The following ADAM22 variants were observed in gnomAD, a reference collection of about 807,000 sequenced individuals.
ADAM22 encodes ADAM metallopeptidase domain 22.
In ADAM22, 65 loss-of-function variants were observed where a neutral mutation model predicts 144.6. The ratio of observed to expected loss-of-function variants is 0.45; its 90% CI spans 0.37 to 0.55. The LOEUF is 0.55. ADAM22 is among the 20% of genes least tolerant of loss of function. The pLI, the probability that ADAM22 is intolerant of heterozygous loss-of-function variation, is 0.00. For missense variants in ADAM22, 974 were observed against 1,184.9 expected, an observed-to-expected ratio of 0.82 and a Z score of 2.61; for synonymous variants, 391 against 412.6, an observed-to-expected ratio of 0.95 and a Z score of 0.63.
At chr7:88,146,555 C>T (rs1836503656) in intron 17 of ADAM22, among the ~76,000 whole-genome samples, 1 of 152,212 alleles carries the variant, frequency 6.6e-6, no homozygotes. Flanking sequence ...GCCAGCAGCA[C>T]CCCTCCTAGA....
At chr7:88,182,062 G>T in intron 29 of ADAM22, 38 bp downstream of exon 29, 1 of 1,559,878 alleles carries the variant, frequency 6.4e-7, no homozygotes, top group Non-Finnish European at 8.8e-7. Flanking sequence ...GCACTCCAAG[G>T]TCCTGTGCAA....
chr7:88,094,207 A>G (rs767450171), intron 4 of ADAM22, among the ~76,000 whole-genome samples: 6 of 152,202 alleles, frequency 3.9e-5, no homozygotes, highest in Non-Finnish European at 5.9e-5. Flanking sequence ...GATAGAAATG[A>G]TAAGTGTTGA....
chr7:88,008,432 T>C (rs1046060478), intron 3 of ADAM22, among the ~76,000 whole-genome samples: 2 of 151,890 alleles, frequency 1.3e-5, no homozygotes, highest in Non-Finnish European at 2.9e-5. Context: ...ATCATGCTGC[T>C]ATAAAGACAC....
rs148104482 is a variant in ADAM22, at chr7:88,048,433, C to G, written c.324-27193C>G. ...TTTATACTGCATATTGTCAAACTGC[C>G]TTCTATAAAGTCTATACCAATGTAT... On this transcript the variant is annotated intron_variant, in intron 3 of 31. Transcript: ENST00000413139. Among the ~76,000 whole-genome samples, 85 of 152,172 alleles carry G rather than the reference C, an allele frequency of 5.6e-4. 1 individual carries two copies. The highest frequency in any genetic ancestry group is 1.9e-3 in the African/African-American group (80 of 41,546).
intron 3 of ADAM22, among the ~76,000 whole-genome samples, chr7:88,029,090 GTTA>G (rs1403680994): frequency 6.6e-6 from 1 of 151,782 alleles, no homozygotes; most frequent in Non-Finnish European, 1.5e-5. Flanking sequence ...TAAATTCAAT[GTTA>G]TTATTGATAA....
intron 4 of ADAM22, among the ~76,000 whole-genome samples, chr7:88,079,040 A>G (rs1365754204): frequency 2.0e-5 from 3 of 152,202 alleles, no homozygotes; most frequent in South Asian, 2.1e-4. Flanking sequence ...AAGACACATA[A>G]TTGTCAGATT....
Position 88,136,017 on chromosome 7 carries a change from A to AATC in ADAM22, c.1208_1209insCAT (p.Ile402dup). The AATC allele has an allele frequency of 6.2e-7, 1 of 1,612,334 alleles. No individual in the cohort carries two copies. The highest frequency in any genetic ancestry group is 8.5e-7 in the Non-Finnish European group (1 of 1,179,066). ...GCGAGGACACGTGGTCCGGGTGCAT[A>AATC]ATGGGAGACACTGGGTGAGCCACTT... On this transcript the variant is annotated inframe_insertion, in exon 14 of 32. Transcript: ENST00000413139.
chr7:88,133,082 G>T (rs146880857), intron 12 of ADAM22, 131 bp downstream of exon 12: 2 of 751,910 alleles, frequency 2.7e-6, no homozygotes, highest in Admixed American at 2.8e-5. Flanking sequence ...CAGTATGGTG[G>T]CCTGGCACAA....
rs1850713280 is a variant in ADAM22, at chr7:88,196,567, T to G, written c.*76T>G. ...TAGAAACCCAGGCTCATGGAATCAC[T>G]GCAAATCTATCTGCTCTTCAGACAA... On this transcript the variant is annotated 3_prime_UTR_variant, in exon 32 of 32. Coordinates refer to ENST00000413139, the MANE Select transcript of ADAM22 (RefSeq NM_001324418.2). The G allele has an allele frequency of 1.4e-6, 2 of 1,480,994 alleles. No homozygotes were observed. The highest frequency in any genetic ancestry group is 1.9e-6 in the Non-Finnish European group (2 of 1,060,796). The allele number at this position is 1,480,994 out of a possible 1,614,324, so 91.7% of individuals were successfully genotyped here. A position where few individuals can be genotyped will look rare whatever the true frequency, so the allele number is the denominator to read the frequency against.
chr7:88,010,450 T>C (rs1795100014), intron 3 of ADAM22, among the ~76,000 whole-genome samples: 1 of 152,142 alleles, frequency 6.6e-6, no homozygotes. Flanking sequence ...ATTCGAACAG[T>C]GTCATATCTG....
intron 2 of ADAM22, among the ~76,000 whole-genome samples, chr7:87,943,716 C>G (rs1286400577): frequency 6.6e-6 from 1 of 152,090 alleles, no homozygotes; most frequent in Non-Finnish European, 1.5e-5. Context: ...CCAGAAATAT[C>G]AGCGGTTCTA....
chr7:88,186,733 C>T (rs546191475), intron 30 of ADAM22, 32 bp downstream of exon 30: 1 of 1,310,018 alleles, frequency 7.6e-7, no homozygotes, highest in South Asian at 1.2e-5. Context: ...ATATCCTTCT[C>T]AAACTCTCCC....
chr7:88,013,217 A>G (rs928819096), intron 3 of ADAM22, among the ~76,000 whole-genome samples: 1 of 152,044 alleles, frequency 6.6e-6, no homozygotes. Flanking sequence ...ATTATTCTCT[A>G]TGTTCACCTG....
chr7:88,058,368 A>G (rs974787853), intron 3 of ADAM22, among the ~76,000 whole-genome samples: 3 of 152,254 alleles, frequency 2.0e-5, no homozygotes, highest in Non-Finnish European at 4.4e-5. Context: ...TTTCACATCT[A>G]TAAACATATG....
intron 21 of ADAM22, among the ~76,000 whole-genome samples, chr7:88,154,658 G>A (rs1045043551): frequency 2.0e-5 from 3 of 151,882 alleles, no homozygotes; most frequent in Admixed American, 6.6e-5. Context: ...ATATCTAATT[G>A]TCTTTATATA....
At chr7:88,052,566 CT>C (rs1441443151) in intron 3 of ADAM22, among the ~76,000 whole-genome samples, 1 of 151,916 alleles carries the variant, frequency 6.6e-6, no homozygotes, top group Non-Finnish European at 1.5e-5. Flanking sequence ...CTTTTAGAAT[CT>C]TTAGCAAACA....
intron 4 of ADAM22, among the ~76,000 whole-genome samples, chr7:88,076,201 C>T (rs1266468304): frequency 3.9e-5 from 6 of 151,956 alleles, no homozygotes; most frequent in African/African-American, 1.5e-4. Context: ...CCACACCTGG[C>T]TAATTTTTGT....
intron 14 of ADAM22, among the ~76,000 whole-genome samples, chr7:88,141,668 A>C (rs1834716527): frequency 6.6e-6 from 1 of 152,130 alleles, no homozygotes; most frequent in African/African-American, 2.4e-5. Flanking sequence ...TCAGTATTTA[A>C]CACTGTATAG....
chr7:88,084,996 A>G (rs1818029406), intron 4 of ADAM22, among the ~76,000 whole-genome samples: 1 of 152,194 alleles, frequency 6.6e-6, no homozygotes. Context: ...TTGTGAGAAC[A>G]TCATTCCTAT....
Sources: gnomAD v4.1 joint callset for allele counts (sites outside exome capture counted in the v4.1 genomes callset) on GRCh38, gnomAD v4.1.1 for gene constraint, MANE v1.5 for transcripts, NCBI Gene and HGNC (gene_info 2026-07-23, HGNC 2026-07-21) for gene names.